Variants in CASTOR2 observed in about 807,000 individuals in gnomAD.
The protein encoded by CASTOR2 is cytosolic arginine sensor for mTORC1 subunit 2, also known as GATS protein like 2.
CASTOR2 carries 8 observed loss-of-function variants against 31.2 expected under a neutral mutation model. That is an observed-to-expected ratio of 0.26 (90% CI 0.15 to 0.46). CASTOR2 has a LOEUF of 0.46. Ranked by LOEUF, CASTOR2 falls within the 20% of genes least tolerant of loss-of-function variation. The probability of loss-of-function intolerance (pLI) is 0.99; values close to 1 mark genes in which losing one functional copy is unlikely to be tolerated. For missense variants in CASTOR2, 216 were observed against 382.1 expected (o/e 0.57, Z 3.62); for synonymous variants, 162 against 158.7 (o/e 1.02, Z -0.16).
At chr7:74,996,458 C>G (rs1292789397) in intron 1 of CASTOR2, among the ~76,000 whole-genome samples, 1 of 151,968 alleles carries the variant, frequency 6.6e-6, no homozygotes, top group African/African-American at 2.4e-5. Flanking sequence ...AGTGTCAGGG[C>G]AGGACTGCAG....
At chr7:74,978,104 ATT>A (rs4029892) in intron 1 of CASTOR2, among the ~76,000 whole-genome samples, 14 of 136,994 alleles carry the variant, frequency 1.0e-4, no homozygotes, top group East Asian at 4.2e-4. Flanking sequence ...GCACACCCCA[ATT>A]TTTTTTTTTT....
chr7:75,018,876 C>T (rs1467282044), intron 4 of CASTOR2, 96 bp from the exon 5 acceptor site: 58 of 1,542,848 alleles, frequency 3.8e-5, no homozygotes, highest in Non-Finnish European at 4.8e-5. Flanking sequence ...GGGCCTGCAG[C>T]TGAGCCCTCC....
At chr7:75,013,737 C>T (rs1238269127) in intron 2 of CASTOR2, among the ~76,000 whole-genome samples, 19 of 151,988 alleles carry the variant, frequency 1.3e-4, no homozygotes, top group Middle Eastern at 3.4e-3. Context: ...CGATTTTTTA[C>T]GTGTGTGTGT....
At position 75,027,989 on chromosome 7, in the gene CASTOR2, C is replaced by G. The variant is rs1805185199; in HGVS notation, c.*3290C>G. 11 of 1,529,720 alleles carry G rather than the reference C, an allele frequency of 7.2e-6. No homozygotes were observed. The Middle Eastern group carries it at 5.8e-4, about 81-fold the overall frequency. The allele number at this position is 1,529,720 out of a possible 1,614,324, so 94.8% of individuals were successfully genotyped here. On this transcript the variant is annotated 3_prime_UTR_variant, in exon 9 of 9. Transcript: ENST00000616305. ...CTCAGAGGGGCTCCATCCGCAGTTG[C>G]ATGGAACTCCTTACCTGTTTGCCGT...
In CASTOR2 at chr7:74,999,120, C is replaced by T. The variant is rs1280881070; in HGVS notation, c.114-8874C>T. 2.6e-5 allele frequency among the ~76,000 whole-genome samples: 4 copies of T among 152,142 alleles called. No individual in the cohort carries two copies. The East Asian group carries it at 5.8e-4, about 22-fold the overall frequency. On this transcript the variant is annotated intron_variant, in intron 1 of 8. Coordinates refer to ENST00000616305, the MANE Select transcript of CASTOR2 (RefSeq NM_001145064.3). The stretch of plus-strand genomic sequence containing the variant: ...ACACCATTCTCCTGCCTCAGCCTCC[C>T]GAGTAGCTGGGACTACAGGCGCCCG...
intron 1 of CASTOR2, among the ~76,000 whole-genome samples, chr7:74,972,697 T>G (rs587694295): frequency 6.6e-6 from 1 of 151,002 alleles, no homozygotes; most frequent in East Asian, 2.0e-4. Context: ...TGTTTGTTTT[T>G]GAGACAGAGT....
In CASTOR2 at chr7:75,031,025, G is replaced by A. The variant is rs1024720629; in HGVS notation, c.*6326G>A. ...CCCAAGACAGGCCAAGGCCAGTGCG[G>A]TTTCCCTTCCACTGCCTCAGTTTAC... On this transcript the variant is annotated 3_prime_UTR_variant, in exon 9 of 9. Transcript: ENST00000616305. Among the ~76,000 whole-genome samples the A allele has an allele frequency of 7.2e-5, 11 of 152,358 alleles. No individual in the cohort carries two copies. In the South Asian group the frequency reaches 2.1e-3, roughly 29 times the overall value.
chr7:74,999,231 C>T (rs1804431136), intron 1 of CASTOR2, among the ~76,000 whole-genome samples: 1 of 151,886 alleles, frequency 6.6e-6, no homozygotes, highest in Non-Finnish European at 1.5e-5. Flanking sequence ...AGGATGGTCT[C>T]GATCTCCTGA....
At chr7:75,007,802 G>C in intron 1 of CASTOR2, 192 bp from the exon 2 acceptor site, 1 of 716,640 alleles carries the variant, frequency 1.4e-6, no homozygotes, top group South Asian at 1.7e-5. Flanking sequence ...CAGCATCTCT[G>C]TGCCTCTCCT....
At chr7:75,012,481 A>G (rs1804774047) in intron 2 of CASTOR2, among the ~76,000 whole-genome samples, 1 of 145,556 alleles carries the variant, frequency 6.9e-6, no homozygotes, top group East Asian at 2.1e-4. Context: ...TTTTTTTTGT[A>G]TTTTTAGTAG....
At position 75,021,849 on chromosome 7, in the gene CASTOR2, G is replaced by T; in HGVS notation, c.747-25G>T. On this transcript the variant is annotated intron_variant, in intron 6 of 8. Coordinates refer to ENST00000616305, the MANE Select transcript of CASTOR2 (RefSeq NM_001145064.3). ...GAGTGCAATTCACATCAGCCTCGGGGATTCTTCTCTCGCTCCTTTTGAAGG... is the reference window on the plus strand; with the variant it reads ...GAGTGCAATTCACATCAGCCTCGGGTATTCTTCTCTCGCTCCTTTTGAAGG... 1.9e-6 allele frequency: 3 copies of T among 1,551,578 alleles called. No homozygotes were observed. In the African/African-American group the frequency reaches 4.1e-5, roughly 21 times the overall value.
At chr7:75,022,590 G>A (rs1358691623) in intron 7 of CASTOR2, among the ~76,000 whole-genome samples, 4 of 149,776 alleles carry the variant, frequency 2.7e-5, no homozygotes, top group Admixed American at 6.7e-5. Flanking sequence ...ATCACCTGAG[G>A]TCAGGAGTAC....
chr7:75,004,594 C>T (rs1727047147), intron 1 of CASTOR2, among the ~76,000 whole-genome samples: 1 of 151,988 alleles, frequency 6.6e-6, no homozygotes, highest in Admixed American at 6.6e-5. Flanking sequence ...TTACAGACGC[C>T]CACCACCACG....
chr7:75,021,807 C>T (rs1805011818), intron 6 of CASTOR2, 67 bp from the exon 7 acceptor site: 10 of 1,538,238 alleles, frequency 6.5e-6, no homozygotes, highest in Non-Finnish European at 8.8e-6. Flanking sequence ...GGCTGGTGCA[C>T]CAGCACACCA....
In CASTOR2 at chr7:75,027,806, C is replaced by T. The variant is rs928441149; in HGVS notation, c.*3107C>T. ...TATCTTCTCGGCGTTCTGTGTGTAGCGTAGTCTTGGTTTGGTCTCCACAGC... is the reference window on the plus strand; with the variant it reads ...TATCTTCTCGGCGTTCTGTGTGTAGTGTAGTCTTGGTTTGGTCTCCACAGC... On this transcript the variant is annotated 3_prime_UTR_variant, in exon 9 of 9. Transcript: ENST00000616305. 15 of 603,940 alleles carry T rather than the reference C, an allele frequency of 2.5e-5. No individual in the cohort carries two copies. The Admixed American group carries it at 3.1e-4, about 12-fold the overall frequency. The allele number at this position is 603,940 out of a possible 1,614,324, so 37.4% of individuals were successfully genotyped here.
chr7:75,023,091 AAG>A (rs1805042745), intron 7 of CASTOR2, among the ~76,000 whole-genome samples: 1 of 152,078 alleles, frequency 6.6e-6, no homozygotes, highest in African/African-American at 2.4e-5. Context: ...GGAGGATCAC[AAG>A]GTCAGGAGAT....
intron 2 of CASTOR2, among the ~76,000 whole-genome samples, chr7:75,016,725 C>T (rs1365179638): frequency 3.3e-5 from 5 of 152,302 alleles, no homozygotes; most frequent in Admixed American, 6.5e-5. Flanking sequence ...CTGATGCCAT[C>T]GTTTTACGGC....
chr7:75,018,157 C>G, intron 4 of CASTOR2, 35 bp downstream of exon 4: 1 of 1,608,142 alleles, frequency 6.2e-7, no homozygotes, highest in Non-Finnish European at 8.5e-7. Context: ...CAGGGGAAAC[C>G]TCACGAAGTT....
chr7:75,027,805 G>A lies in CASTOR2; in HGVS notation c.*3106G>A. Reference sequence around the variant, plus strand: ...TTATCTTCTCGGCGTTCTGTGTGTAGCGTAGTCTTGGTTTGGTCTCCACAG... The same window carrying A: ...TTATCTTCTCGGCGTTCTGTGTGTAACGTAGTCTTGGTTTGGTCTCCACAG... On this transcript the variant is annotated 3_prime_UTR_variant, in exon 9 of 9. Transcript: ENST00000616305. 1.7e-6 allele frequency: 1 copy of A among 603,670 alleles called. No individual in the cohort carries two copies. The highest frequency in any genetic ancestry group is 2.9e-6 in the Non-Finnish European group (1 of 339,042). The allele number at this position is 603,670 out of a possible 1,614,324, so 37.4% of individuals were successfully genotyped here.
Sources: allele counts gnomAD v4.1 joint callset (sites outside exome capture counted in the v4.1 genomes callset), GRCh38; gene constraint gnomAD v4.1.1; transcripts MANE v1.5; gene names NCBI Gene and HGNC (gene_info 2026-07-23, HGNC 2026-07-21).